Variants in URI1 observed in about 807,000 individuals in gnomAD.
The protein encoded by URI1 is URI1 prefoldin like chaperone.
In URI1, 39 loss-of-function variants were observed where a neutral mutation model predicts 60.2. The ratio of observed to expected loss-of-function variants is 0.65; its 90% CI spans 0.50 to 0.85. The LOEUF (loss-of-function observed/expected upper bound fraction) is 0.85. Among genes scored for constraint, URI1 ranks in the 40% least tolerant of loss-of-function variants. The pLI, the probability that URI1 is intolerant of heterozygous loss-of-function variation, is 0.00. For missense variants in URI1, 691 were observed against 665.9 expected (o/e 1.04, Z -0.42); for synonymous variants, 251 against 236.8 (o/e 1.06, Z -0.55).
chr19:30,001,381 T>C (rs548275623), intron 4 of URI1, among the ~76,000 whole-genome samples: 1 of 152,054 alleles, frequency 6.6e-6, no homozygotes, highest in African/African-American at 2.4e-5. Context: ...TCTGATCTTC[T>C]TCATCTAGTG....
chr19:30,003,974 A>G (rs2055908401), intron 4 of URI1, among the ~76,000 whole-genome samples: 1 of 152,048 alleles, frequency 6.6e-6, no homozygotes, highest in African/African-American at 2.4e-5. Context: ...ACAACTGCCG[A>G]CATAGTTTTA....
intron 1 of URI1, among the ~76,000 whole-genome samples, chr19:29,956,170 A>T (rs2055244243): frequency 6.7e-6 from 1 of 149,388 alleles, no homozygotes; most frequent in Non-Finnish European, 1.5e-5. Context: ...TTTTTAGTAG[A>T]GATGAGCGCC....
chr19:29,990,563 A>G (rs895081330), intron 4 of URI1, among the ~76,000 whole-genome samples: 5 of 152,244 alleles, frequency 3.3e-5, no homozygotes, highest in Admixed American at 6.5e-5. Context: ...TTGTTTGGCA[A>G]TAAAAAGATG....
At chr19:29,930,116 T>A (rs1278647557) in intron 1 of URI1, among the ~76,000 whole-genome samples, 2 of 151,988 alleles carry the variant, frequency 1.3e-5, no homozygotes, top group African/African-American at 4.8e-5. Flanking sequence ...TTTTTGTATT[T>A]TTAGTAGAGA....
At chr19:29,999,156 A>G (rs1196741145) in intron 4 of URI1, among the ~76,000 whole-genome samples, 1 of 152,100 alleles carries the variant, frequency 6.6e-6, no homozygotes, top group Non-Finnish European at 1.5e-5. Context: ...ATTAATATAG[A>G]TGTCCAGTGA....
At chr19:29,937,232 A>G (rs556503239) in intron 1 of URI1, among the ~76,000 whole-genome samples, 1 of 152,220 alleles carries the variant, frequency 6.6e-6, no homozygotes, top group South Asian at 2.1e-4. Context: ...GTTCCTTTTT[A>G]TAAGATTAAA....
intron 4 of URI1, 112 bp downstream of exon 4, chr19:29,986,529 G>A: frequency 7.5e-7 from 1 of 1,325,556 alleles, no homozygotes; most frequent in Non-Finnish European, 1.0e-6. Flanking sequence ...TATGAATCCA[G>A]GCTGTTTGTG....
At chr19:29,937,060 G>T (rs998834381) in intron 1 of URI1, among the ~76,000 whole-genome samples, 1 of 152,040 alleles carries the variant, frequency 6.6e-6, no homozygotes, top group South Asian at 2.1e-4. Context: ...CCTATTTTTC[G>T]TTATTTATTT....
At chr19:29,957,612 T>A (rs1450898196) in intron 1 of URI1, among the ~76,000 whole-genome samples, 1 of 152,220 alleles carries the variant, frequency 6.6e-6, no homozygotes, top group Non-Finnish European at 1.5e-5. Context: ...TTTACTATTC[T>A]GACCCTTTGC....
intron 2 of URI1, among the ~76,000 whole-genome samples, chr19:29,977,716 C>T (rs1304223906): frequency 6.6e-6 from 1 of 151,568 alleles, no homozygotes; most frequent in Admixed American, 6.6e-5. Flanking sequence ...CATTAAGTTT[C>T]TGCACAGTTT....
At chr19:29,997,389 T>C (rs1371373676) in intron 4 of URI1, among the ~76,000 whole-genome samples, 2 of 152,196 alleles carry the variant, frequency 1.3e-5, no homozygotes, top group Non-Finnish European at 2.9e-5. Flanking sequence ...ATAGTTTTTA[T>C]TGTTCCACTT....
chr19:29,956,331 T>C (rs1330749460), intron 1 of URI1: 2 of 969,166 alleles, frequency 2.1e-6, no homozygotes, highest in Non-Finnish European at 3.0e-6. Flanking sequence ...AATAGGTCTT[T>C]TATTGCATCA....
Position 29,966,331 on chromosome 19 carries a change from G to A in URI1, c.118-4862G>A, listed in dbSNP as rs140157374. Among the ~76,000 whole-genome samples the A allele has an allele frequency of 7.5e-3, 1,146 of 152,052 alleles. 9 individuals carry two copies. Among genetic ancestry groups the A allele is most frequent in the Non-Finnish European group, 0.012 (786 of 67,982 alleles). On this transcript the variant is annotated intron_variant, in intron 1 of 10. Transcript: ENST00000392271. Reference sequence around the variant, plus strand: ...TTTTTGTATTTTTGGTAGAGACGGGGTTTCACCATGTTGGCTAGGCTGGTC... The same window carrying A: ...TTTTTGTATTTTTGGTAGAGACGGGATTTCACCATGTTGGCTAGGCTGGTC...
At chr19:29,939,138 T>A (rs1187721257), upstream of URI1, among the ~76,000 whole-genome samples, 1 of 151,448 alleles carries the variant, frequency 6.6e-6, no homozygotes, top group African/African-American at 2.4e-5. Context: ...CCACCACACC[T>A]GGCTAATTTT....
chr19:30,015,506 G>A lies in URI1; in HGVS notation c.*437G>A, dbSNP rs1377768582. ...CATTACTTGCTTTCACATTTTAAAG[G>A]CACTTTAAAAAAATCTACTTCTCTT... On this transcript the variant is annotated 3_prime_UTR_variant, in exon 11 of 11. Coordinates refer to ENST00000392271, the MANE Select transcript of URI1 (RefSeq NM_003796.3). 1 of 1,524,070 alleles carries A rather than the reference G, an allele frequency of 6.6e-7. No homozygotes were observed. The highest frequency in any genetic ancestry group is 1.2e-5 in the South Asian group (1 of 80,748). 94.4% of individuals were successfully genotyped at this position (1,524,070 alleles called of 1,614,324 possible).
At chr19:29,977,844 A>T (rs546676603) in intron 2 of URI1, among the ~76,000 whole-genome samples, 1 of 152,072 alleles carries the variant, frequency 6.6e-6, no homozygotes, top group African/African-American at 2.4e-5. Context: ...TGTTTAAAGA[A>T]TTTTTTTTAA....
Position 29,979,202 on chromosome 19 carries a change from C to T in URI1, c.153-6021C>T, listed in dbSNP as rs538333242. ...AAGCTTAAGTCAGCTATAAACTCAT[C>T]ACACCTTTTCTAAAAGGTCCTTTCC... On this transcript the variant is annotated intron_variant, in intron 2 of 10. Coordinates refer to ENST00000392271, the MANE Select transcript of URI1 (RefSeq NM_003796.3). Among the ~76,000 whole-genome samples, 13 of 152,240 alleles carry T rather than the reference C, an allele frequency of 8.5e-5. 1 individual carries two copies. The highest frequency in any genetic ancestry group is 3.4e-3 in the Middle Eastern group (1 of 294).
chr19:29,967,185 C>T (rs2055401547), intron 1 of URI1, among the ~76,000 whole-genome samples: 1 of 152,144 alleles, frequency 6.6e-6, no homozygotes, highest in East Asian at 1.9e-4. Flanking sequence ...AATTATTATT[C>T]CTGTCTTCCA....
intron 10 of URI1, chr19:30,012,891 TA>T (rs1464957814): frequency 5.8e-6 from 1 of 171,302 alleles, no homozygotes; most frequent in Non-Finnish European, 1.2e-5. Flanking sequence ...TATTCTCTTT[TA>T]AATACCTTGG....
Sources: allele counts gnomAD v4.1 joint callset (sites outside exome capture counted in the v4.1 genomes callset), GRCh38; gene constraint gnomAD v4.1.1; transcripts MANE v1.5; gene names NCBI Gene and HGNC (gene_info 2026-07-23, HGNC 2026-07-21).